Variants in ZC3H12D observed in about 807,000 individuals in gnomAD.
ZC3H12D encodes probable ribonuclease ZC3H12D.
In ZC3H12D, 11 loss-of-function variants were observed where a neutral mutation model predicts 24.2. That is an observed-to-expected ratio of 0.46 (90% CI 0.29 to 0.75). The LOEUF (loss-of-function observed/expected upper bound fraction) is 0.75, where lower values mean the gene tolerates loss of function less well. Ranked by LOEUF, ZC3H12D falls within the 30% of genes least tolerant of loss-of-function variation. The pLI is 0.11. For synonymous variants in ZC3H12D, 333 were observed against 341.8 expected, an observed-to-expected ratio of 0.97 and a Z score of 0.28; for missense variants, 740 against 767.7, an observed-to-expected ratio of 0.96 and a Z score of 0.43.
intron 1 of ZC3H12D, among the ~76,000 whole-genome samples, chr6:149,479,746 C>G (rs947526107): frequency 2.0e-5 from 3 of 152,042 alleles, no homozygotes; most frequent in African/African-American, 7.3e-5. Context: ...CTATGTTGCC[C>G]AAGCTGGACT....
intron 1 of ZC3H12D, among the ~76,000 whole-genome samples, chr6:149,477,858 A>G (rs1257928553): frequency 5.3e-5 from 8 of 152,164 alleles, no homozygotes; most frequent in Middle Eastern, 3.2e-3. Context: ...AGATTTTTTC[A>G]GGGCATCTTC....
Position 149,474,513 on chromosome 6 carries a change from G to A in ZC3H12D, c.31C>T (p.Gln11Ter), listed in dbSNP as rs1405569532. ...TCCTCCCGGTCATAGCCCAGCTTCT[G>A]GAAGAATTCCATCTTGCTGGGGTGC... MEHPSKMEFF[Q>*]KLGYDREDVL... The change falls in exon 2 of 6, where the codon CAG becomes TAG. Residue 11 changes from glutamine (Q) to a stop codon, truncating the protein, a stop_gained. Coordinates refer to ENST00000409806, the MANE Select transcript of ZC3H12D (RefSeq NM_207360.3). LOFTEE classifies it high-confidence loss of function. 1 of 1,543,714 alleles carries A rather than the reference G, an allele frequency of 6.5e-7. No individual in the cohort carries two copies.
chr6:149,481,086 C>T (rs1244967419), intron 1 of ZC3H12D, among the ~76,000 whole-genome samples: 1 of 67,326 alleles, frequency 1.5e-5, no homozygotes, highest in Non-Finnish European at 2.3e-5. Flanking sequence ...CAGCCTCTCA[C>T]TGAGCCCAAA....
intron 2 of ZC3H12D, among the ~76,000 whole-genome samples, chr6:149,471,680 C>T (rs542167043): frequency 6.6e-6 from 1 of 152,266 alleles, no homozygotes; most frequent in South Asian, 2.1e-4. Flanking sequence ...TAGAAGGGGC[C>T]ATGAGCTGAG....
In ZC3H12D at chr6:149,474,523, C is replaced by T; in HGVS notation, c.21G>A (p.Met7Ile). Residue 7 changes from methionine to isoleucine, a missense_variant, in exon 2 of 6, where the codon ATG becomes ATA. Coordinates refer to ENST00000409806, the MANE Select transcript of ZC3H12D (RefSeq NM_207360.3). ...CATAGCCCAGCTTCTGGAAGAATTC[C>T]ATCTTGCTGGGGTGCTCCATGCTGT... MEHPSK[M>I]EFFQKLGYDR... 1 of 1,536,350 alleles carries T rather than the reference C, an allele frequency of 6.5e-7. No individual in the cohort carries two copies. The highest frequency in any genetic ancestry group is 8.8e-7 in the Non-Finnish European group (1 of 1,134,292).
chr6:149,484,139 C>A (rs557123682), intron 1 of ZC3H12D, among the ~76,000 whole-genome samples: 1 of 152,338 alleles, frequency 6.6e-6, no homozygotes, highest in African/African-American at 2.4e-5. Flanking sequence ...GTTCACGAGT[C>A]AGGGATGGGC....
intron 4 of ZC3H12D, among the ~76,000 whole-genome samples, chr6:149,454,564 C>A (rs55757822): frequency 0.037 from 5,664 of 152,324 alleles, 228 homozygotes; most frequent in South Asian, 0.12. Context: ...AAGACTTCCT[C>A]TCCTGCTCTC....
chr6:149,456,174 C>T lies in ZC3H12D; in HGVS notation c.680+492G>A, dbSNP rs1775976649. On this transcript the variant is annotated intron_variant, in intron 4 of 5. Transcript: ENST00000409806. This position sits in a 1 kb window ranked among gnomAD's most constrained non-coding sequence, Gnocchi z 4.3. ...GGCTGAGGCAGGAGAATTGCTTGAA[C>T]CTGGGAGGCAGAGTTTGCAGTGAGC... is the stretch of plus-strand genomic sequence containing the variant. 6.6e-6 allele frequency among the ~76,000 whole-genome samples: 1 copy of T among 151,884 alleles called. No homozygotes were observed. The highest frequency in any genetic ancestry group is 2.1e-4 in the South Asian group (1 of 4,814).
intron 1 of ZC3H12D, among the ~76,000 whole-genome samples, chr6:149,479,369 AAAACT>A (rs1776388854): frequency 1.3e-5 from 2 of 152,322 alleles, no homozygotes; most frequent in African/African-American, 4.8e-5. Context: ...CTTAAAAAAT[AAAACT>A]AAATTTAAAA....
At chr6:149,483,149 C>T (rs1413340140) in intron 1 of ZC3H12D, 3 of 152,246 alleles carry the variant, frequency 2.0e-5, no homozygotes, top group South Asian at 2.1e-4. Context: ...TCCACAGAGG[C>T]CAAACAGAAA....
chr6:149,474,033 A>T (rs764740223), intron 2 of ZC3H12D, among the ~76,000 whole-genome samples: 82 of 152,288 alleles, frequency 5.4e-4, no homozygotes, highest in Admixed American at 9.8e-4. Flanking sequence ...ATTTTATCCC[A>T]ACCGTACAGA....
rs1427043405 is a variant in ZC3H12D at position 149,449,532 on chromosome 6, G to C, written c.*1151C>G. On this transcript the variant is annotated 3_prime_UTR_variant, in exon 6 of 6. Transcript: ENST00000409806. ...AACTCACTGCAACCTCCGCCTCCCAGGTTCAAGTGATTCTCCTGCCTCAGC... is the reference window on the plus strand; with the variant it reads ...AACTCACTGCAACCTCCGCCTCCCACGTTCAAGTGATTCTCCTGCCTCAGC... The C allele has an allele frequency of 6.6e-6, 1 of 152,098 alleles. No individual in the cohort carries two copies. The highest frequency in any genetic ancestry group is 1.5e-5 in the Non-Finnish European group (1 of 68,106). 9.4% of individuals were successfully genotyped at this position (152,098 alleles called of 1,614,324 possible).
chr6:149,484,009 C>G (rs1776463919), intron 1 of ZC3H12D, among the ~76,000 whole-genome samples: 1 of 152,204 alleles, frequency 6.6e-6, no homozygotes, highest in African/African-American at 2.4e-5. Flanking sequence ...TGGCCTTTTC[C>G]TTTCTCAAAC....
chr6:149,451,253 G>C lies in ZC3H12D; in HGVS notation c.1014C>G (p.Asp338Glu), dbSNP rs1775889074. ...AGAAGCTCCCTCGCAGGGCGGCCAG[G>C]TCCGGGGACCCCCGCGCCGGCGGGA... ...HSLPPARGSP[D>E]LAALRGSFSR... The change falls in exon 6 of 6, where the codon GAC becomes GAG. Residue 338 changes from aspartate (D) to glutamate (E), a missense_variant. Physicochemically the swap from Asp to Glu is conservative, Grantham distance 45. Transcript: ENST00000409806. 1 of 1,300,780 alleles carries C rather than the reference G, an allele frequency of 7.7e-7. No individual in the cohort carries two copies. Among genetic ancestry groups the C allele is most frequent in the Non-Finnish European group, 9.7e-7 (1 of 1,031,312 alleles). 80.6% of individuals were successfully genotyped at this position (1,300,780 alleles called of 1,614,324 possible).
chr6:149,473,637 C>G (rs1472849164), intron 2 of ZC3H12D, among the ~76,000 whole-genome samples: 1 of 152,184 alleles, frequency 6.6e-6, no homozygotes, highest in African/African-American at 2.4e-5. Flanking sequence ...GCTCAGGGGG[C>G]CACAAACAAA....
chr6:149,467,785 A>G (rs1776183950), intron 2 of ZC3H12D, among the ~76,000 whole-genome samples: 1 of 152,148 alleles, frequency 6.6e-6, no homozygotes, highest in African/African-American at 2.4e-5. Context: ...AAGACCATTG[A>G]TTCCCCCCAA....
intron 1 of ZC3H12D, among the ~76,000 whole-genome samples, chr6:149,475,935 A>T (rs1171349703): frequency 3.3e-5 from 5 of 152,214 alleles, no homozygotes; most frequent in African/African-American, 9.6e-5. Flanking sequence ...AAATTTTTTT[A>T]AATACAGAAA....
At chr6:149,463,136 A>T (rs1315678845) in intron 2 of ZC3H12D, among the ~76,000 whole-genome samples, 2 of 152,202 alleles carry the variant, frequency 1.3e-5, no homozygotes, top group African/African-American at 4.8e-5. Flanking sequence ...AGAATGATCA[A>T]CATAAGACAG....
chr6:149,448,433 C>T lies in ZC3H12D; in HGVS notation c.*2250G>A, dbSNP rs1028241828. On this transcript the variant is annotated 3_prime_UTR_variant, in exon 6 of 6. Coordinates refer to ENST00000409806, the MANE Select transcript of ZC3H12D (RefSeq NM_207360.3). ...GGTGGCACAACTGTAGTCCCAGCTA[C>T]TCAGGAGGCTGAGGCACAAGGATTG... 4.6e-5 allele frequency: 7 copies of T among 152,046 alleles called. No homozygotes were observed. Among genetic ancestry groups the T allele is most frequent in the Non-Finnish European group, 8.8e-5 (6 of 68,030 alleles). 9.4% of individuals were successfully genotyped at this position (152,046 alleles called of 1,614,324 possible).
Sources: allele counts gnomAD v4.1 joint callset (sites outside exome capture counted in the v4.1 genomes callset), GRCh38; gene constraint gnomAD v4.1.1; non-coding constraint Gnocchi (gnomAD v3.1); transcripts MANE v1.5; gene names NCBI Gene and HGNC (gene_info 2026-07-23, HGNC 2026-07-21).